NTNG1: variants seen among roughly 807,000 people sequenced by gnomAD.
NTNG1 encodes the protein netrin G1.
Under a neutral mutation model 54.0 loss-of-function variants are expected in NTNG1, and 16 were observed. That is an observed-to-expected ratio of 0.30 (90% CI 0.20 to 0.45). The LOEUF (loss-of-function observed/expected upper bound fraction) is 0.45, where lower values mean the gene tolerates loss of function less well. Ranked by LOEUF, NTNG1 falls within the 20% of genes least tolerant of loss-of-function variation. The pLI, the probability that NTNG1 is intolerant of heterozygous loss-of-function variation, is 1.00. For missense variants in NTNG1, 530 were observed against 678.7 expected, an observed-to-expected ratio of 0.78 and a Z score of 2.43; for synonymous variants, 255 against 263.1, an observed-to-expected ratio of 0.97 and a Z score of 0.30.
intron 2 of NTNG1, among the ~76,000 whole-genome samples, chr1:107,155,511 C>G (rs1654920559): frequency 6.6e-6 from 1 of 152,056 alleles, no homozygotes; most frequent in Admixed American, 6.6e-5. Flanking sequence ...CCTGTGTACT[C>G]AACTGTACTC....
intron 2 of NTNG1, among the ~76,000 whole-genome samples, chr1:107,290,881 G>A (rs935886293): frequency 1.3e-5 from 2 of 150,338 alleles, no homozygotes; most frequent in African/African-American, 2.4e-5. Context: ...AAAAAGGAAA[G>A]ACCAGATGGG....
chr1:107,443,005 GA>G (rs1416681308), intron 7 of NTNG1, among the ~76,000 whole-genome samples: 2 of 152,136 alleles, frequency 1.3e-5, no homozygotes, highest in Non-Finnish European at 2.9e-5. Flanking sequence ...CCAGACTCTG[GA>G]GAAGTTCCAA....
chr1:107,273,196 A>C (rs1160188591), intron 2 of NTNG1, among the ~76,000 whole-genome samples: 1 of 152,120 alleles, frequency 6.6e-6, no homozygotes, highest in East Asian at 1.9e-4. Flanking sequence ...GGGTCCTGAA[A>C]GGTGTGGCAG....
chr1:107,165,124 G>A (rs1219178252), intron 2 of NTNG1, among the ~76,000 whole-genome samples: 1 of 152,050 alleles, frequency 6.6e-6, no homozygotes, highest in Non-Finnish European at 1.5e-5. Flanking sequence ...AGTGACCAGG[G>A]GTGACTCAGG....
chr1:107,158,944 C>A (rs1431148199), intron 2 of NTNG1, among the ~76,000 whole-genome samples: 2 of 152,198 alleles, frequency 1.3e-5, no homozygotes, highest in Non-Finnish European at 2.9e-5. Flanking sequence ...ATATGGAGAG[C>A]TGAGATTTGT....
intron 2 of NTNG1, among the ~76,000 whole-genome samples, chr1:107,229,715 C>G (rs1372570058): frequency 6.6e-6 from 1 of 151,506 alleles, no homozygotes; most frequent in Non-Finnish European, 1.5e-5. Flanking sequence ...TTTGCAAAAA[C>G]TTTTGGGCAC....
At chr1:107,195,020 T>C (rs1202709103) in intron 2 of NTNG1, among the ~76,000 whole-genome samples, 1 of 151,998 alleles carries the variant, frequency 6.6e-6, no homozygotes, top group Non-Finnish European at 1.5e-5. Flanking sequence ...CATTTAAATT[T>C]GTTAAAGTTT....
At chr1:107,470,742 G>A (rs1399505919) in intron 7 of NTNG1, among the ~76,000 whole-genome samples, 1 of 152,198 alleles carries the variant, frequency 6.6e-6, no homozygotes, top group African/African-American at 2.4e-5. Context: ...GAGAAAGTCT[G>A]TGACTTCTCA....
intron 2 of NTNG1, among the ~76,000 whole-genome samples, chr1:107,311,254 C>A (rs898179015): frequency 3.9e-5 from 6 of 152,110 alleles, no homozygotes; most frequent in African/African-American, 1.2e-4. Context: ...CAAATACATT[C>A]TTCATGTTCA....
At chr1:107,312,612 C>G (rs764816822) in intron 2 of NTNG1, among the ~76,000 whole-genome samples, 1 of 152,036 alleles carries the variant, frequency 6.6e-6, no homozygotes, top group Non-Finnish European at 1.5e-5. Context: ...GAAGTGTGGG[C>G]CAGAGGCTAC....
At chr1:107,475,899 G>C (rs2101601463) in intron 7 of NTNG1, among the ~76,000 whole-genome samples, 1 of 152,260 alleles carries the variant, frequency 6.6e-6, no homozygotes, top group African/African-American at 2.4e-5. Flanking sequence ...TCCAGACATT[G>C]TCAAATACCC....
chr1:107,218,630 G>A (rs1230564712), intron 2 of NTNG1, among the ~76,000 whole-genome samples: 1 of 152,062 alleles, frequency 6.6e-6, no homozygotes. Flanking sequence ...CCTTTTAGAA[G>A]TTCTCATGGT....
chr1:107,429,317 A>G (rs1465111142), intron 5 of NTNG1, among the ~76,000 whole-genome samples: 1 of 152,188 alleles, frequency 6.6e-6, no homozygotes, highest in African/African-American at 2.4e-5. Flanking sequence ...TAACAAATGA[A>G]TATGAACTTT....
intron 2 of NTNG1, among the ~76,000 whole-genome samples, chr1:107,287,218 T>C (rs1487744255): frequency 6.6e-6 from 1 of 152,138 alleles, no homozygotes; most frequent in African/African-American, 2.4e-5. Context: ...AGCATTATAA[T>C]AAATTAGTTA....
In NTNG1 at chr1:107,452,553, A is replaced by C. The variant is rs182734747; in HGVS notation, c.1390+15754A>C. Among the ~76,000 whole-genome samples, 10 of 152,276 alleles carry C rather than the reference A, an allele frequency of 6.6e-5. No homozygotes were observed. The East Asian group carries it at 1.9e-3, about 29-fold the overall frequency. ...TTTGGGTCATGGGGGTAGATCCCTC[A>C]TGAATGGCTACTAGTGCATTCTAGT... On this transcript the variant is annotated intron_variant, in intron 7 of 7. Transcript: ENST00000370068.
chr1:107,181,055 T>A (rs932931424), intron 2 of NTNG1, among the ~76,000 whole-genome samples: 2 of 152,212 alleles, frequency 1.3e-5, no homozygotes, highest in East Asian at 3.9e-4. Flanking sequence ...TGGCCACTTA[T>A]GCCGAACTCT....
chr1:107,274,169 C>T (rs902476401), intron 2 of NTNG1, among the ~76,000 whole-genome samples: 8 of 152,140 alleles, frequency 5.3e-5, no homozygotes, highest in African/African-American at 1.9e-4. Context: ...TTCACAAGTC[C>T]CCAAGGGGGT....
chr1:107,205,224 G>A (rs983820523), intron 2 of NTNG1, among the ~76,000 whole-genome samples: 1 of 152,076 alleles, frequency 6.6e-6, no homozygotes, highest in African/African-American at 2.4e-5. Flanking sequence ...TGAGTCTATG[G>A]CTTCAGAGTT....
At chr1:107,148,949 G>A in intron 2 of NTNG1, 110 bp downstream of exon 2, 1 of 1,118,964 alleles carries the variant, frequency 8.9e-7, no homozygotes, top group East Asian at 2.4e-5. Flanking sequence ...GAATCTGCAG[G>A]TGGCAGATTT....
Sources: gnomAD v4.1 joint callset for allele counts (sites outside exome capture counted in the v4.1 genomes callset) on GRCh38, gnomAD v4.1.1 for gene constraint, MANE v1.5 for transcripts, NCBI Gene and HGNC (gene_info 2026-07-23, HGNC 2026-07-21) for gene names.